The following FGF7 variants were observed in gnomAD, a reference collection of about 807,000 sequenced individuals.
The protein encoded by FGF7 is FGF-7.
FGF7 carries 6 observed loss-of-function variants against 20.5 expected under a neutral mutation model. The ratio of observed to expected loss-of-function variants is 0.29; its 90% CI spans 0.16 to 0.58. The LOEUF is 0.58. FGF7 is among the 20% of genes least tolerant of loss of function. FGF7 has a pLI of 0.90. For synonymous variants in FGF7, 64 were observed against 74.7 expected (o/e 0.86, Z 0.74); for missense variants, 144 against 228.8 (o/e 0.63, Z 2.39).
chr15:49,432,318 C>T (rs934286991), intron 2 of FGF7, among the ~76,000 whole-genome samples: 2 of 151,628 alleles, frequency 1.3e-5, no homozygotes, highest in African/African-American at 4.8e-5. Flanking sequence ...GATATTAAGG[C>T]TGTTTCCTGT....
rs1443341627 is a variant in FGF7 at position 49,487,904 on chromosome 15, T to C, written c.*3400T>C. ...CATGCAGTTTGGTTTACATCCCTAC[T>C]CCACTGCCATTTACTTGAGCGTGAA... On this transcript the variant is annotated 3_prime_UTR_variant, in exon 4 of 4. Transcript: ENST00000267843. The C allele has an allele frequency of 6.6e-6, 1 of 151,954 alleles. No homozygotes were observed. Among genetic ancestry groups the C allele is most frequent in the African/African-American group, 2.4e-5 (1 of 41,400 alleles). The allele number at this position is 151,954 out of a possible 1,614,324, so 9.4% of individuals were successfully genotyped here. A position where few individuals can be genotyped will look rare whatever the true frequency, so the allele number is the denominator to read the frequency against.
intron 2 of FGF7, among the ~76,000 whole-genome samples, chr15:49,479,862 C>G (rs1053851838): frequency 1.1e-4 from 17 of 152,270 alleles, no homozygotes; most frequent in South Asian, 6.2e-4. Flanking sequence ...GATCCACCCG[C>G]GTTGGCCTCC....
At chr15:49,452,064 TAG>T (rs1287510722) in intron 2 of FGF7, among the ~76,000 whole-genome samples, 3 of 151,936 alleles carry the variant, frequency 2.0e-5, no homozygotes, top group African/African-American at 4.8e-5. Flanking sequence ...TTTTTTGAGA[TAG>T]AGTCTTGCTC....
At chr15:49,439,103 C>T (rs2051379071) in intron 2 of FGF7, among the ~76,000 whole-genome samples, 1 of 151,626 alleles carries the variant, frequency 6.6e-6, no homozygotes, top group Admixed American at 6.6e-5. Flanking sequence ...TATGTCTTGA[C>T]TGGGGCTGAA....
At chr15:49,461,784 T>C (rs1368670818) in intron 2 of FGF7, among the ~76,000 whole-genome samples, 1 of 152,332 alleles carries the variant, frequency 6.6e-6, no homozygotes, top group East Asian at 1.9e-4. Flanking sequence ...CTTATGCTAA[T>C]TATGGTACTG....
At chr15:49,451,199 G>C (rs184552070) in intron 2 of FGF7, among the ~76,000 whole-genome samples, 1 of 151,606 alleles carries the variant, frequency 6.6e-6, no homozygotes, top group Non-Finnish European at 1.5e-5. Context: ...TAAATAATAC[G>C]GTCATTTAAA....
intron 2 of FGF7, among the ~76,000 whole-genome samples, chr15:49,461,234 T>C (rs184988262): frequency 6.6e-6 from 1 of 152,346 alleles, no homozygotes; most frequent in African/African-American, 2.4e-5. Context: ...TTTGGGCTAA[T>C]TGCAGGTCTC....
chr15:49,459,783 G>C (rs2053629991), intron 2 of FGF7, among the ~76,000 whole-genome samples: 1 of 152,068 alleles, frequency 6.6e-6, no homozygotes, highest in Admixed American at 6.6e-5. Flanking sequence ...GCTGGAGATG[G>C]CTCATCCCGG....
chr15:49,475,118 GATTA>G (rs1372917683), intron 2 of FGF7, among the ~76,000 whole-genome samples: 1 of 152,108 alleles, frequency 6.6e-6, no homozygotes, highest in African/African-American at 2.4e-5. Flanking sequence ...TGATCAGTTT[GATTA>G]ATTTTTTCAC....
intron 2 of FGF7, among the ~76,000 whole-genome samples, chr15:49,477,546 G>A (rs1242456570): frequency 6.6e-6 from 1 of 152,154 alleles, no homozygotes; most frequent in African/African-American, 2.4e-5. Context: ...ATATTCCAGT[G>A]TATACGTGTA....
intron 2 of FGF7, among the ~76,000 whole-genome samples, chr15:49,476,764 A>C (rs543696969): frequency 2.0e-4 from 30 of 152,316 alleles, no homozygotes; most frequent in African/African-American, 7.2e-4. Context: ...TTTACAAAAA[A>C]AATTGAGCAG....
At chr15:49,460,138 G>A (rs2053663624) in intron 2 of FGF7, among the ~76,000 whole-genome samples, 1 of 152,074 alleles carries the variant, frequency 6.6e-6, no homozygotes, top group Non-Finnish European at 1.5e-5. Flanking sequence ...AGGTATCATG[G>A]AAGAGGCAAG....
chr15:49,479,616 T>TG (rs2055725245), intron 2 of FGF7, among the ~76,000 whole-genome samples: 1 of 138,276 alleles, frequency 7.2e-6, no homozygotes, highest in African/African-American at 2.7e-5. Flanking sequence ...TTTTTTTTTT[T>TG]TTTTTTTTTT....
Position 49,424,558 on chromosome 15 carries a change from G to C in FGF7, c.261G>C (p.Gly87=). The C allele has an allele frequency of 1.3e-6, 2 of 1,592,090 alleles. No individual in the cohort carries two copies. Among genetic ancestry groups the C allele is most frequent in the Non-Finnish European group, 1.7e-6 (2 of 1,167,562 alleles). ...TCGATAAAAGAGGCAAAGTAAAAGG[G>C]ACCCAAGAGATGAAGAATAATTACA... ...LRIDKRGKVK[G]TQEMKNNYNI... is the part of the protein sequence containing the mutation. Residue 87 remains glycine, a synonymous_variant, in exon 2 of 4, where the codon GGG becomes GGC. Transcript: ENST00000267843.
chr15:49,432,311 A>G (rs2050687318), intron 2 of FGF7, among the ~76,000 whole-genome samples: 1 of 151,682 alleles, frequency 6.6e-6, no homozygotes, highest in Admixed American at 6.6e-5. Context: ...CCCCTGAGAT[A>G]TTAAGGCTGT....
At chr15:49,449,018 T>A (rs574334304) in intron 2 of FGF7, among the ~76,000 whole-genome samples, 80 of 151,960 alleles carry the variant, frequency 5.3e-4, no homozygotes, top group African/African-American at 1.9e-3. Context: ...ATAGGAGAAA[T>A]AACATTCTTT....
At chr15:49,451,930 T>A (rs903489761) in intron 2 of FGF7, among the ~76,000 whole-genome samples, 4 of 152,128 alleles carry the variant, frequency 2.6e-5, no homozygotes, top group African/African-American at 9.7e-5. Context: ...GCTCTCAGAA[T>A]TTGAGAGACT....
intron 2 of FGF7, among the ~76,000 whole-genome samples, chr15:49,434,871 G>T (rs1238247650): frequency 6.6e-6 from 1 of 151,220 alleles, no homozygotes; most frequent in Non-Finnish European, 1.5e-5. Context: ...TAATAAAAAA[G>T]AGAACCAATT....
chr15:49,463,399 CA>C (rs1254001652), intron 2 of FGF7, among the ~76,000 whole-genome samples: 4 of 151,824 alleles, frequency 2.6e-5, no homozygotes, highest in African/African-American at 9.7e-5. Flanking sequence ...ACTAAAAATA[CA>C]AAAATTACCT....
Sources: gnomAD v4.1 joint callset for allele counts (sites outside exome capture counted in the v4.1 genomes callset) on GRCh38, gnomAD v4.1.1 for gene constraint, MANE v1.5 for transcripts, NCBI Gene and HGNC (gene_info 2026-07-23, HGNC 2026-07-21) for gene names.